Variants in NEK11 observed in about 807,000 individuals in gnomAD.
NEK11 encodes the protein serine/threonine-protein kinase Nek11.
Under a neutral mutation model 80.7 loss-of-function variants are expected in NEK11, and 72 were observed. The observed-to-expected ratio is 0.89, with a 90% confidence interval of 0.74 to 1.08. The LOEUF is 1.08. Ranked by LOEUF, NEK11 falls within the 50% of genes least tolerant of loss-of-function variation. NEK11 has a pLI of 0.00. For synonymous variants in NEK11, 251 were observed against 260.7 expected (o/e 0.96, Z 0.36); for missense variants, 764 against 763.6 (o/e 1.00, Z -0.01).
chr3:131,112,663 A>G (rs1290963969), intron 5 of NEK11, among the ~76,000 whole-genome samples: 1 of 152,214 alleles, frequency 6.6e-6, no homozygotes, highest in African/African-American at 2.4e-5. Context: ...CATTTGGAGA[A>G]TCAATGGAGG....
At chr3:131,223,197 G>A (rs2095080478) in intron 14 of NEK11, among the ~76,000 whole-genome samples, 1 of 152,158 alleles carries the variant, frequency 6.6e-6, no homozygotes, top group South Asian at 2.1e-4. Flanking sequence ...GTCTATGTAT[G>A]AAAAACATGA....
At chr3:131,143,432 G>A (rs1374879533) in intron 7 of NEK11, among the ~76,000 whole-genome samples, 1 of 152,028 alleles carries the variant, frequency 6.6e-6, no homozygotes, top group Admixed American at 6.6e-5. Context: ...GCACAGCAAG[G>A]TTCAAGGGGA....
chr3:131,263,738 G>C, intron 16 of NEK11, among the ~76,000 whole-genome samples: 1 of 152,032 alleles, frequency 6.6e-6, no homozygotes, highest in East Asian at 1.9e-4. Context: ...CTAGTAATGG[G>C]GTCACTGGGT....
rs971856873 is a variant in NEK11 at position 131,181,355 on chromosome 3, T to A, written c.1399+10468T>A. Among the ~76,000 whole-genome samples the A allele has an allele frequency of 2.6e-5, 4 of 152,146 alleles. No individual in the cohort carries two copies. In the South Asian group the frequency reaches 8.3e-4, roughly 32 times the overall value. ...TAGAAAAGGGAAGGAAATGTATTCT[T>A]CCTCCTTGGATCCCCCAGAAAGGAA... On this transcript the variant is annotated intron_variant, in intron 14 of 17. Coordinates refer to ENST00000383366, the MANE Select transcript of NEK11 (RefSeq NM_024800.5).
At chr3:131,115,383 A>G (rs975719209) in intron 5 of NEK11, among the ~76,000 whole-genome samples, 3 of 152,156 alleles carry the variant, frequency 2.0e-5, no homozygotes, top group African/African-American at 7.2e-5. Flanking sequence ...TTCATAATAA[A>G]TCATTTATCA....
intron 6 of NEK11, chr3:131,133,172 A>C (rs1421584170): frequency 2.3e-6 from 1 of 437,626 alleles, no homozygotes; most frequent in Admixed American, 2.7e-5. Flanking sequence ...TTTCTCATTT[A>C]TATTATTTCA....
chr3:131,165,388 T>C (rs753522142), intron 11 of NEK11, 38 bp from the exon 12 acceptor site: 1 of 1,253,080 alleles, frequency 8.0e-7, no homozygotes, highest in Non-Finnish European at 1.2e-6. Flanking sequence ...GTTTTAGCAA[T>C]TCGCAGTTAT....
At chr3:131,044,236 T>A (rs1577361792) in intron 3 of NEK11, among the ~76,000 whole-genome samples, 1 of 151,772 alleles carries the variant, frequency 6.6e-6, no homozygotes, top group Non-Finnish European at 1.5e-5. Context: ...AGGATCAAAT[T>A]CACACATAAC....
intron 7 of NEK11, among the ~76,000 whole-genome samples, chr3:131,143,874 C>G (rs1428626112): frequency 1.3e-5 from 2 of 152,128 alleles, no homozygotes; most frequent in African/African-American, 4.8e-5. Flanking sequence ...AAACCCACTA[C>G]TCTTTTATTA....
At chr3:131,064,926 A>C (rs994087907) in intron 3 of NEK11, among the ~76,000 whole-genome samples, 1 of 152,060 alleles carries the variant, frequency 6.6e-6, no homozygotes, top group Non-Finnish European at 1.5e-5. Flanking sequence ...GTTGGAGCCA[A>C]ACTTACAGAA....
At chr3:131,264,092 C>A (rs2095995039) in intron 16 of NEK11, among the ~76,000 whole-genome samples, 1 of 152,052 alleles carries the variant, frequency 6.6e-6, no homozygotes. Context: ...TGTTTAAGTT[C>A]TTTGTAGATT....
intron 16 of NEK11, among the ~76,000 whole-genome samples, chr3:131,245,274 CT>C (rs1056845185): frequency 1.4e-5 from 2 of 147,522 alleles, no homozygotes; most frequent in African/African-American, 5.2e-5. Flanking sequence ...TGATTTTATT[CT>C]TTTTTTGTGG....
chr3:131,246,223 AC>A (rs147700296), intron 16 of NEK11, among the ~76,000 whole-genome samples: 1,667 of 152,204 alleles, frequency 0.011, 35 homozygotes, highest in African/African-American at 0.038. Flanking sequence ...TGAACACTGT[AC>A]CCAGCGTGTA....
intron 3 of NEK11, among the ~76,000 whole-genome samples, chr3:131,069,088 A>G (rs1440493788): frequency 6.6e-6 from 1 of 152,196 alleles, no homozygotes; most frequent in East Asian, 1.9e-4. Flanking sequence ...AACCACTGCT[A>G]TTATAAACAA....
chr3:131,089,802 G>T (rs1313927120), intron 4 of NEK11, among the ~76,000 whole-genome samples: 1 of 152,056 alleles, frequency 6.6e-6, no homozygotes, highest in African/African-American at 2.4e-5. Context: ...ATAGGGATAT[G>T]CATTTTAAAC....
chr3:131,151,369 T>G (rs2089605635), intron 7 of NEK11, among the ~76,000 whole-genome samples: 1 of 152,092 alleles, frequency 6.6e-6, no homozygotes, highest in Non-Finnish European at 1.5e-5. Flanking sequence ...TGTTATTATT[T>G]ACTGGAACAG....
intron 16 of NEK11, among the ~76,000 whole-genome samples, chr3:131,260,144 A>G (rs1194086342): frequency 6.6e-6 from 1 of 152,004 alleles, no homozygotes; most frequent in African/African-American, 2.4e-5. Flanking sequence ...AGACATAATG[A>G]TCACCCCAAA....
intron 17 of NEK11, chr3:131,325,504 G>A (rs1442038189): frequency 2.0e-5 from 3 of 152,010 alleles, no homozygotes; most frequent in Non-Finnish European, 4.4e-5. Flanking sequence ...ATTTGCTAAT[G>A]TTTTATTTCT....
At chr3:131,261,465 T>G (rs2095918166) in intron 16 of NEK11, among the ~76,000 whole-genome samples, 1 of 152,196 alleles carries the variant, frequency 6.6e-6, no homozygotes, top group African/African-American at 2.4e-5. Flanking sequence ...TCTTTATCTT[T>G]GTTAGCATAG....
Sources: gnomAD v4.1 joint callset for allele counts (sites outside exome capture counted in the v4.1 genomes callset) on GRCh38, gnomAD v4.1.1 for gene constraint, MANE v1.5 for transcripts, NCBI Gene and HGNC (gene_info 2026-07-23, HGNC 2026-07-21) for gene names.